The following SLC24A2 variants were observed in gnomAD, a reference collection of about 807,000 sequenced individuals.
SLC24A2 encodes the protein sodium/potassium/calcium exchanger 2.
In SLC24A2, 36 loss-of-function variants were observed where a neutral mutation model predicts 62.0. The observed-to-expected ratio is 0.58, with a 90% CI of 0.44 to 0.77. The LOEUF (loss-of-function observed/expected upper bound fraction) is 0.77. SLC24A2 is among the 30% of genes least tolerant of loss of function. The pLI is 0.00. For missense variants in SLC24A2, 846 were observed against 817.9 expected, an observed-to-expected ratio of 1.03 and a Z score of -0.42; for synonymous variants, 358 against 294.0, an observed-to-expected ratio of 1.22 and a Z score of -2.23.
At chr9:20,100,416 C>T in the SLC24A2 span, among the ~76,000 whole-genome samples, 2 of 152,244 alleles carry the variant, frequency 1.3e-5, no homozygotes, top group East Asian at 3.9e-4. Flanking sequence ...CAAGACTTCC[C>T]AGATGTTCCA....
At chr9:20,198,910 G>A in the SLC24A2 span, among the ~76,000 whole-genome samples, 2 of 152,214 alleles carry the variant, frequency 1.3e-5, no homozygotes, top group African/African-American at 4.8e-5. Flanking sequence ...GTTTCACCAA[G>A]GTGATGCCGA....
At chr9:19,822,792 C>T in the SLC24A2 span, among the ~76,000 whole-genome samples, 1 of 152,132 alleles carries the variant, frequency 6.6e-6, no homozygotes, top group Non-Finnish European at 1.5e-5. Flanking sequence ...GGAGTGCTCA[C>T]TAGTCAGAGG....
At chr9:19,622,356 A>G in intron 2 of SLC24A2, 57 bp from the exon 3 acceptor site, 1 of 1,494,180 alleles carries the variant, frequency 6.7e-7, no homozygotes, top group South Asian at 1.1e-5. Context: ...ATGAAGAATC[A>G]CATATGGCAT....
At chr9:20,041,368 CAT>C in the SLC24A2 span, among the ~76,000 whole-genome samples, 3 of 152,354 alleles carry the variant, frequency 2.0e-5, no homozygotes, top group African/African-American at 4.8e-5. Flanking sequence ...GTTACCGACA[CAT>C]GTTTTTGCTA....
the SLC24A2 span, among the ~76,000 whole-genome samples, chr9:20,206,476 T>C: frequency 6.6e-6 from 1 of 152,108 alleles, no homozygotes. Flanking sequence ...TAATACATAA[T>C]TGGTTTATTA....
At chr9:19,615,000 C>T (rs1817728213) in intron 4 of SLC24A2, among the ~76,000 whole-genome samples, 1 of 151,486 alleles carries the variant, frequency 6.6e-6, no homozygotes, top group African/African-American at 2.4e-5. Flanking sequence ...AGTTATAAGC[C>T]ACTAAGTCTT....
At chr9:19,701,354 C>T (rs1191813964) in intron 2 of SLC24A2, among the ~76,000 whole-genome samples, 3 of 152,172 alleles carry the variant, frequency 2.0e-5, no homozygotes, top group African/African-American at 7.2e-5. Flanking sequence ...CAGCGTCTAC[C>T]CACCTTTAGT....
intron 4 of SLC24A2, among the ~76,000 whole-genome samples, chr9:19,619,316 CA>C (rs1444536266): frequency 1.3e-5 from 2 of 152,188 alleles, no homozygotes; most frequent in African/African-American, 4.8e-5. Flanking sequence ...CTCTCTGCTT[CA>C]TAACAAACTA....
chr9:20,054,976 T>C, the SLC24A2 span, among the ~76,000 whole-genome samples: 8 of 152,234 alleles, frequency 5.3e-5, no homozygotes, highest in Admixed American at 3.3e-4. Context: ...CTTTGGTGAA[T>C]TAGTGTCATT....
chr9:20,245,521 G>T, the SLC24A2 span, among the ~76,000 whole-genome samples: 2 of 152,192 alleles, frequency 1.3e-5, no homozygotes. Context: ...TGGGTTTGGA[G>T]TCAGAAGCAG....
chr9:20,111,497 A>G, the SLC24A2 span, among the ~76,000 whole-genome samples: 1 of 152,154 alleles, frequency 6.6e-6, no homozygotes, highest in Non-Finnish European at 1.5e-5. Flanking sequence ...TCTCTTCTCA[A>G]ATTTCCAATT....
the SLC24A2 span, among the ~76,000 whole-genome samples, chr9:20,155,276 A>C: frequency 6.6e-6 from 1 of 151,744 alleles, no homozygotes; most frequent in Non-Finnish European, 1.5e-5. Context: ...AAATAAAAGT[A>C]CCTGTATTCC....
At chr9:20,307,590 G>A in the SLC24A2 span, among the ~76,000 whole-genome samples, 1 of 152,352 alleles carries the variant, frequency 6.6e-6, no homozygotes, top group African/African-American at 2.4e-5. Context: ...TTCTCATTTG[G>A]CGTTTAGAGT....
chr9:20,055,598 A>G, the SLC24A2 span, among the ~76,000 whole-genome samples: 1 of 151,896 alleles, frequency 6.6e-6, no homozygotes, highest in Non-Finnish European at 1.5e-5. Flanking sequence ...TTGAACTTAG[A>G]CATACCAGGC....
chr9:20,074,770 G>A, the SLC24A2 span, among the ~76,000 whole-genome samples: 1 of 151,934 alleles, frequency 6.6e-6, no homozygotes, highest in Non-Finnish European at 1.5e-5. Flanking sequence ...TGCTGTCAAG[G>A]ATCTAGTAAG....
the SLC24A2 span, among the ~76,000 whole-genome samples, chr9:20,100,912 A>G: frequency 3.9e-5 from 6 of 152,264 alleles, no homozygotes; most frequent in Middle Eastern, 3.4e-3. Context: ...TTCTTCCTAC[A>G]GGTATTGTGG....
the SLC24A2 span, among the ~76,000 whole-genome samples, chr9:20,270,997 T>G: frequency 4.6e-5 from 7 of 152,224 alleles, no homozygotes; most frequent in South Asian, 1.5e-3. Flanking sequence ...TCTTCTCTGT[T>G]CCCCAGGTTG....
At chr9:20,100,759 G>T in the SLC24A2 span, among the ~76,000 whole-genome samples, 1 of 152,198 alleles carries the variant, frequency 6.6e-6, no homozygotes, top group African/African-American at 2.4e-5. Context: ...TCATTTCACA[G>T]TATTTATTTA....
At chr9:19,914,813 T>C in the SLC24A2 span, among the ~76,000 whole-genome samples, 1 of 152,050 alleles carries the variant, frequency 6.6e-6, no homozygotes, top group Non-Finnish European at 1.5e-5. Flanking sequence ...CTCCCCAGTG[T>C]CATGTGGACA....
Sources: gnomAD v4.1 joint callset for allele counts (sites outside exome capture counted in the v4.1 genomes callset) on GRCh38, gnomAD v4.1.1 for gene constraint, MANE v1.5 for transcripts, NCBI Gene and HGNC (gene_info 2026-07-23, HGNC 2026-07-21) for gene names.